GRID1: variants seen among roughly 807,000 people sequenced by gnomAD.
GRID1 encodes glutamate receptor ionotropic, delta-1.
In GRID1, 28 loss-of-function variants were observed where a neutral mutation model predicts 98.0. The ratio of observed to expected loss-of-function variants is 0.29; its 90% CI spans 0.21 to 0.39. The LOEUF is 0.39. Ranked by LOEUF, GRID1 falls within the 10% of genes least tolerant of loss-of-function variation. GRID1 has a pLI of 1.00. For missense variants in GRID1, 1,111 were observed against 1,340.5 expected (o/e 0.83, Z 2.67); for synonymous variants, 553 against 538.5 (o/e 1.03, Z -0.37).
chr10:85,759,497 AAT>A, intron 8 of GRID1, among the ~76,000 whole-genome samples: 1 of 152,304 alleles, frequency 6.6e-6, no homozygotes, highest in East Asian at 1.9e-4. Context: ...TCCCTCTTGG[AAT>A]ATATCTCTCT....
At chr10:86,310,911 C>T (rs1265814754) in intron 2 of GRID1, among the ~76,000 whole-genome samples, 2 of 152,164 alleles carry the variant, frequency 1.3e-5, no homozygotes, top group South Asian at 2.1e-4. Flanking sequence ...TCTCTCCATC[C>T]CAGACAGCAG....
intron 8 of GRID1, among the ~76,000 whole-genome samples, chr10:85,751,805 T>C (rs12265014): frequency 0.023 from 3,503 of 152,296 alleles, 131 homozygotes; most frequent in African/African-American, 0.08. Context: ...ATTTAAAATT[T>C]AATGCATTTA....
intron 8 of GRID1, among the ~76,000 whole-genome samples, chr10:85,771,587 G>A (rs972315726): frequency 1.3e-5 from 2 of 152,090 alleles, no homozygotes; most frequent in Admixed American, 1.3e-4. Flanking sequence ...CATCTCATGT[G>A]CAGAGACACA....
intron 4 of GRID1, among the ~76,000 whole-genome samples, chr10:86,086,667 C>T (rs1474070310): frequency 1.3e-5 from 2 of 152,034 alleles, no homozygotes; most frequent in Admixed American, 6.5e-5. Context: ...CAGGAGTGTG[C>T]ACAAGTGTCC....
chr10:86,232,688 G>A (rs1358171153), intron 2 of GRID1, among the ~76,000 whole-genome samples: 2 of 152,222 alleles, frequency 1.3e-5, no homozygotes, highest in Non-Finnish European at 2.9e-5. Flanking sequence ...GGCTCAGGAT[G>A]AGACTTCCTT....
chr10:85,980,648 G>A (rs900587001), intron 4 of GRID1, among the ~76,000 whole-genome samples: 1 of 152,176 alleles, frequency 6.6e-6, no homozygotes, highest in Middle Eastern at 3.2e-3. Flanking sequence ...ATGAGGCCCT[G>A]GGGTGAAGGG....
chr10:85,948,132 T>C (rs948215942), intron 4 of GRID1, among the ~76,000 whole-genome samples: 4 of 152,232 alleles, frequency 2.6e-5, no homozygotes, highest in African/African-American at 9.6e-5. Flanking sequence ...AATGTACCAT[T>C]GTCAGTGTCT....
rs1490582051 is a variant in GRID1 at position 85,916,670 on chromosome 10, G to A, written c.727-431C>T. Among the ~76,000 whole-genome samples the A allele has an allele frequency of 2.0e-5, 3 of 152,212 alleles. No homozygotes were observed. The highest frequency in any genetic ancestry group is 4.4e-5 in the Non-Finnish European group (3 of 68,038). ...GGCTTGTCTAGTCCAGCTGTACTGA[G>A]TGACATTCAGGAAGACAGCAGCTCA... On this transcript the variant is annotated intron_variant, in intron 4 of 15. Transcript: ENST00000327946. The surrounding 1 kb of genome is among the most constrained non-coding windows in gnomAD (Gnocchi z 4.0).
intron 4 of GRID1, among the ~76,000 whole-genome samples, chr10:86,099,398 C>T (rs1040385347): frequency 3.9e-5 from 6 of 152,270 alleles, no homozygotes; most frequent in Middle Eastern, 3.4e-3. Context: ...CAGAGTCTGG[C>T]AGAGAAAACA....
intron 4 of GRID1, among the ~76,000 whole-genome samples, chr10:86,125,783 C>T (rs1844743587): frequency 1.3e-5 from 2 of 152,196 alleles, no homozygotes; most frequent in Admixed American, 1.3e-4. Context: ...GGACGAAGAC[C>T]TCTATGATGA....
chr10:86,200,758 C>CA (rs1280839410), intron 3 of GRID1, among the ~76,000 whole-genome samples: 4 of 151,258 alleles, frequency 2.6e-5, no homozygotes, highest in African/African-American at 9.7e-5. Context: ...TAAAAACAGG[C>CA]AAAAAAATCA....
Position 85,724,661 on chromosome 10 carries a change from T to C in GRID1, c.1549A>G (p.Ile517Val). 1.2e-6 allele frequency: 2 copies of C among 1,609,434 alleles called. No individual in the cohort carries two copies. Among genetic ancestry groups the C allele is most frequent in the South Asian group, 1.1e-5 (1 of 91,038 alleles). Residue 517 changes from isoleucine to valine, a missense_variant, in exon 11 of 16, where the codon ATC becomes GTC. By Grantham distance (29) the Ile-to-Val change is conservative. Coordinates refer to ENST00000327946, the MANE Select transcript of GRID1 (RefSeq NM_017551.3). ...ELISKRADLA[I>V]SAITITPERE... is the part of the protein sequence containing the mutation. Reference sequence around the variant, plus strand: ...TCTGGGGTGATGGTGATGGCAGAGATGGCCAAGTCTGCTCTCTGAAAGGCA... The same window carrying C: ...TCTGGGGTGATGGTGATGGCAGAGACGGCCAAGTCTGCTCTCTGAAAGGCA...
In GRID1 at chr10:86,202,068, T is replaced by C. The variant is rs553184664; in HGVS notation, c.520+4296A>G. Among the ~76,000 whole-genome samples the C allele has an allele frequency of 2.0e-5, 3 of 152,366 alleles. 1 individual carries two copies. In the East Asian group the frequency reaches 5.8e-4, roughly 29 times the overall value. On this transcript the variant is annotated intron_variant, in intron 3 of 15. Coordinates refer to ENST00000327946, the MANE Select transcript of GRID1 (RefSeq NM_017551.3). ...TTTTTAAACTAGCACAAATAGACAG[T>C]GGCCACTCAAACAGAGCCCTGATGT...
chr10:85,943,540 T>C (rs1005049873), intron 4 of GRID1, among the ~76,000 whole-genome samples: 3 of 152,126 alleles, frequency 2.0e-5, no homozygotes, highest in Non-Finnish European at 4.4e-5. Context: ...CAATGTACTG[T>C]CCCTTGCTAT....
At chr10:85,608,467 C>T (rs532233282) in intron 15 of GRID1, among the ~76,000 whole-genome samples, 8 of 152,298 alleles carry the variant, frequency 5.3e-5, no homozygotes, top group African/African-American at 9.6e-5. Flanking sequence ...GTCTTCTTTA[C>T]GGGAGTCTTG....
At chr10:86,294,499 G>T (rs1418999800) in intron 2 of GRID1, among the ~76,000 whole-genome samples, 2 of 152,196 alleles carry the variant, frequency 1.3e-5, no homozygotes, top group Non-Finnish European at 2.9e-5. Flanking sequence ...CCATGGGGGT[G>T]GTCAGTGGGC....
chr10:85,659,058 A>G (rs1043038772), intron 12 of GRID1, among the ~76,000 whole-genome samples: 3 of 152,220 alleles, frequency 2.0e-5, no homozygotes, highest in South Asian at 2.1e-4. Context: ...AGAATGTGTG[A>G]GCTGAGTGGG....
intron 12 of GRID1, chr10:85,647,944 TC>T (rs1428812216): frequency 6.5e-6 from 1 of 152,708 alleles, no homozygotes; most frequent in Admixed American, 6.5e-5. Flanking sequence ...TTAAGAGGCA[TC>T]CCCTCCAAAG....
intron 4 of GRID1, among the ~76,000 whole-genome samples, chr10:86,111,632 T>C (rs1763253354): frequency 6.6e-6 from 1 of 152,126 alleles, no homozygotes; most frequent in Admixed American, 6.5e-5. Context: ...GATAAAGGGG[T>C]TAACCCAAGC....
Sources: allele counts gnomAD v4.1 joint callset (sites outside exome capture counted in the v4.1 genomes callset), GRCh38; gene constraint gnomAD v4.1.1; non-coding constraint Gnocchi (gnomAD v3.1); transcripts MANE v1.5; gene names NCBI Gene and HGNC (gene_info 2026-07-23, HGNC 2026-07-21).